The following WWOX variants were observed in gnomAD, a reference collection of about 807,000 sequenced individuals.
WWOX encodes the protein WW domain-containing oxidoreductase.
A neutral mutation model predicts 46.2 loss-of-function variants in WWOX; 69 were observed. The observed-to-expected ratio is 1.49, with a 90% CI of 1.23 to 1.82. WWOX has a LOEUF of 1.82. Ranked by LOEUF, WWOX falls within the 40% of genes most tolerant of loss-of-function variation. The pLI is 0.00. For synonymous variants in WWOX, 359 were observed against 202.6 expected (o/e 1.77, Z -6.56); for missense variants, 919 against 542.6 (o/e 1.69, Z -6.89).
At chr16:78,699,716 G>C (rs2048172792) in intron 8 of WWOX, among the ~76,000 whole-genome samples, 1 of 152,124 alleles carries the variant, frequency 6.6e-6, no homozygotes, top group African/African-American at 2.4e-5. Context: ...CTACCAGATG[G>C]TACCTCACTT....
chr16:78,682,537 C>T (rs1276097254), intron 8 of WWOX, among the ~76,000 whole-genome samples: 1 of 152,072 alleles, frequency 6.6e-6, no homozygotes, highest in South Asian at 2.1e-4. Flanking sequence ...GACTTACGAT[C>T]ATGCCATGGC....
At chr16:78,401,742 C>T (rs960263048) in intron 6 of WWOX, among the ~76,000 whole-genome samples, 2 of 152,182 alleles carry the variant, frequency 1.3e-5, no homozygotes, top group East Asian at 3.9e-4. Context: ...CTCTGTCGCC[C>T]AGGCTGGAGT....
At chr16:78,708,386 T>A (rs913048305) in intron 8 of WWOX, among the ~76,000 whole-genome samples, 2 of 152,356 alleles carry the variant, frequency 1.3e-5, no homozygotes, top group East Asian at 1.9e-4. Flanking sequence ...TTTTATTTGC[T>A]AGACGTAGCA....
At chr16:78,858,924 C>A (rs1366520714) in intron 8 of WWOX, among the ~76,000 whole-genome samples, 1 of 148,758 alleles carries the variant, frequency 6.7e-6, no homozygotes, top group Non-Finnish European at 1.5e-5. Flanking sequence ...AGTTACCCTC[C>A]CACCTCAGCC....
At chr16:79,010,913 G>C (rs1042214500) in intron 8 of WWOX, among the ~76,000 whole-genome samples, 1 of 151,972 alleles carries the variant, frequency 6.6e-6, no homozygotes, top group Non-Finnish European at 1.5e-5. Flanking sequence ...ATGTTGTGTG[G>C]GACCTCGGAG....
At chr16:78,686,481 A>T (rs1321693508) in intron 8 of WWOX, among the ~76,000 whole-genome samples, 1 of 151,308 alleles carries the variant, frequency 6.6e-6, no homozygotes, top group Non-Finnish European at 1.5e-5. Context: ...ACTGTACTCC[A>T]GCCTGGGGGA....
intron 8 of WWOX, among the ~76,000 whole-genome samples, chr16:78,619,022 G>T (rs529437017): frequency 1.3e-5 from 2 of 148,582 alleles, no homozygotes; most frequent in South Asian, 4.3e-4. Flanking sequence ...TAGGCCAGGT[G>T]GGGTGGCTCA....
At chr16:78,413,820 T>C (rs138149797) in intron 6 of WWOX, among the ~76,000 whole-genome samples, 2 of 152,124 alleles carry the variant, frequency 1.3e-5, no homozygotes, top group African/African-American at 2.4e-5. Context: ...GGCCACCGTG[T>C]TGTCAGAAAT....
chr16:78,423,919 G>T (rs1465507126), intron 6 of WWOX, among the ~76,000 whole-genome samples: 1 of 151,212 alleles, frequency 6.6e-6, no homozygotes, highest in Non-Finnish European at 1.5e-5. Context: ...CTATCTTTAG[G>T]CTTCTTTATA....
chr16:78,599,596 G>C (rs76614455), intron 8 of WWOX, among the ~76,000 whole-genome samples: 1 of 152,200 alleles, frequency 6.6e-6, no homozygotes, highest in Non-Finnish European at 1.5e-5. Context: ...TCCTGACACA[G>C]TTTGGGGAGA....
At chr16:78,846,665 G>C (rs930947887) in intron 8 of WWOX, among the ~76,000 whole-genome samples, 1 of 152,114 alleles carries the variant, frequency 6.6e-6, no homozygotes, top group Non-Finnish European at 1.5e-5. Context: ...CGTGGTATCT[G>C]CCAGATTTCT....
At chr16:78,715,734 C>T (rs1052250826) in intron 8 of WWOX, among the ~76,000 whole-genome samples, 1 of 152,182 alleles carries the variant, frequency 6.6e-6, no homozygotes, top group South Asian at 2.1e-4. Context: ...ACCTTGGCCT[C>T]CCCAAATTCT....
chr16:78,541,548 A>T (rs1412827801), intron 8 of WWOX, among the ~76,000 whole-genome samples: 1 of 150,524 alleles, frequency 6.6e-6, no homozygotes, highest in African/African-American at 2.4e-5. Flanking sequence ...ATACACTGAG[A>T]TATCTACAGT....
intron 8 of WWOX, among the ~76,000 whole-genome samples, chr16:78,584,243 A>C (rs1340718728): frequency 2.6e-5 from 4 of 152,216 alleles, no homozygotes; most frequent in African/African-American, 9.6e-5. Flanking sequence ...ATATACAGTT[A>C]TGTAAAACAT....
intron 5 of WWOX, among the ~76,000 whole-genome samples, chr16:78,186,483 G>A (rs549444560): frequency 6.6e-6 from 1 of 152,332 alleles, no homozygotes; most frequent in South Asian, 2.1e-4. Context: ...TTTATTTTAT[G>A]CCAGATGCAG....
chr16:78,933,814 C>T (rs946480484), intron 8 of WWOX, among the ~76,000 whole-genome samples: 5 of 152,130 alleles, frequency 3.3e-5, no homozygotes, highest in African/African-American at 1.2e-4. Flanking sequence ...CCACCAGCTT[C>T]CTCCCACGAC....
intron 5 of WWOX, among the ~76,000 whole-genome samples, chr16:78,367,278 C>T (rs896430267): frequency 1.3e-5 from 2 of 152,006 alleles, no homozygotes; most frequent in African/African-American, 2.4e-5. Flanking sequence ...CGCACCCAGC[C>T]GAAAAGTTAT....
chr16:78,229,484 CTG>C (rs1224846875), intron 5 of WWOX, among the ~76,000 whole-genome samples: 53 of 135,484 alleles, frequency 3.9e-4, no homozygotes, highest in African/African-American at 1.5e-3. Flanking sequence ...ATATGTATAT[CTG>C]TATATATATT....
At chr16:78,152,499 A>G (rs867321781) in intron 4 of WWOX, among the ~76,000 whole-genome samples, 4 of 152,064 alleles carry the variant, frequency 2.6e-5, no homozygotes, top group South Asian at 2.1e-4. Context: ...GCCATTTCCT[A>G]TCCCCCATCC....
Sources: gnomAD v4.1 joint callset for allele counts (sites outside exome capture counted in the v4.1 genomes callset) on GRCh38, gnomAD v4.1.1 for gene constraint, MANE v1.5 for transcripts, NCBI Gene and HGNC (gene_info 2026-07-23, HGNC 2026-07-21) for gene names.